CWH43: variants seen among roughly 807,000 people sequenced by gnomAD.
CWH43 encodes the protein cell wall biogenesis 43 C-terminal homolog.
A neutral mutation model predicts 85.7 loss-of-function variants in CWH43; 91 were observed. The observed-to-expected ratio is 1.06, with a 90% CI of 0.90 to 1.26. The LOEUF (loss-of-function observed/expected upper bound fraction) is 1.26. Ranked by LOEUF, CWH43 falls within the 50% of genes most tolerant of loss-of-function variation. The probability of loss-of-function intolerance (pLI) is 0.00; values close to 1 mark genes in which losing one functional copy is unlikely to be tolerated. For missense variants in CWH43, 869 were observed against 839.2 expected (o/e 1.04, Z -0.44); for synonymous variants, 323 against 293.6 (o/e 1.10, Z -1.02).
intron 9 of CWH43, among the ~76,000 whole-genome samples, chr4:49,024,989 A>T (rs1324417030): frequency 6.6e-6 from 1 of 151,976 alleles, no homozygotes; most frequent in Admixed American, 6.5e-5. Context: ...AATACTAATT[A>T]TTCATAGGTT....
Position 48,994,615 on chromosome 4 carries a change from C to G in CWH43, c.512-4C>G. The stretch of plus-strand genomic sequence containing the variant: ...TTTTCCATATATGTATTTTTAAATT[C>G]TAGATGGTGACTGCAGTAAACCTGA... On this transcript the variant is annotated splice_region_variant and splice_polypyrimidine_tract_variant and intron_variant, in intron 4 of 15. Transcript: ENST00000226432. The G allele has an allele frequency of 3.7e-6, 6 of 1,608,220 alleles. No homozygotes were observed. In the South Asian group the frequency reaches 6.7e-5, roughly 18 times the overall value.
At position 49,028,688 on chromosome 4, in the gene CWH43, AG is replaced by A; in HGVS notation, c.1329del (p.Trp444GlyfsTer4). 6.2e-7 allele frequency: 1 copy of A among 1,613,926 alleles called. No homozygotes were observed. The highest frequency in any genetic ancestry group is 8.5e-7 in the Non-Finnish European group (1 of 1,179,826). ...CTTTCAGGTTTGGATATGACAATGA[AG>A]GGTGGTCTAGTCTAGAAAGATCAGC... ...WPFRFGYDNE[G>X]WSSLERSAHL... On this transcript the variant is annotated frameshift_variant, in exon 10 of 16. Transcript: ENST00000226432. LOFTEE classifies it high-confidence loss of function.
intron 1 of CWH43, among the ~76,000 whole-genome samples, chr4:48,987,019 C>T (rs1782517386): frequency 6.6e-6 from 1 of 152,190 alleles, no homozygotes; most frequent in African/African-American, 2.4e-5. Context: ...GCTCTCTCAC[C>T]AGCTTTGCAA....
chr4:49,019,795 G>T (rs1466284666), intron 9 of CWH43, among the ~76,000 whole-genome samples: 3 of 152,018 alleles, frequency 2.0e-5, no homozygotes, highest in Non-Finnish European at 4.4e-5. Flanking sequence ...GGGCAGGCTG[G>T]TCTCAAACTC....
intron 6 of CWH43, 107 bp from the exon 7 acceptor site, chr4:49,003,628 T>C: frequency 9.5e-7 from 1 of 1,047,400 alleles, no homozygotes; most frequent in South Asian, 1.5e-5. Context: ...TGTCTGGAGA[T>C]TGGATCAGTA....
intron 9 of CWH43, among the ~76,000 whole-genome samples, chr4:49,019,053 C>CTCAT (rs1238822339): frequency 6.6e-6 from 1 of 152,170 alleles, no homozygotes; most frequent in Non-Finnish European, 1.5e-5. Flanking sequence ...TGGTCATTTG[C>CTCAT]TCATTCATTC....
Position 49,003,997 on chromosome 4 carries a change from G to A in CWH43, c.1060+5G>A, listed in dbSNP as rs1188061025. The stretch of plus-strand genomic sequence containing the variant: ...AAAGATCAGATGTGCTTTTGGGTGA[G>A]TACATTTGAAAGGTCTGGATTAAAA... On this transcript the variant is annotated splice_donor_5th_base_variant and intron_variant, in intron 7 of 15. Coordinates refer to ENST00000226432, the MANE Select transcript of CWH43 (RefSeq NM_025087.3). 6.2e-7 allele frequency: 1 copy of A among 1,605,028 alleles called. No individual in the cohort carries two copies. Among genetic ancestry groups the A allele is most frequent in the Non-Finnish European group, 8.5e-7 (1 of 1,177,404 alleles).
intron 15 of CWH43, among the ~76,000 whole-genome samples, chr4:49,051,548 C>T (rs1784798237): frequency 6.6e-6 from 1 of 152,196 alleles, no homozygotes; most frequent in African/African-American, 2.4e-5. Flanking sequence ...AATTCATTTA[C>T]ATCACATGTG....
At chr4:49,034,768 G>C (rs1235751485) in intron 12 of CWH43, among the ~76,000 whole-genome samples, 1 of 152,056 alleles carries the variant, frequency 6.6e-6, no homozygotes, top group African/African-American at 2.4e-5. Flanking sequence ...TAACTACCTT[G>C]AGCTTTAGTT....
At chr4:49,027,774 G>T (rs533987688) in intron 9 of CWH43, among the ~76,000 whole-genome samples, 3 of 152,110 alleles carry the variant, frequency 2.0e-5, no homozygotes, top group African/African-American at 7.2e-5. Flanking sequence ...CAAATAGTAG[G>T]TCTTATTCTT....
chr4:49,012,075 C>T (rs547643012), intron 8 of CWH43, among the ~76,000 whole-genome samples: 56 of 152,316 alleles, frequency 3.7e-4, no homozygotes, highest in African/African-American at 1.3e-3. Flanking sequence ...TGTTTTCCAA[C>T]TTGGTTCCAT....
At chr4:49,046,477 A>T (rs1169543200) in intron 14 of CWH43, among the ~76,000 whole-genome samples, 4 of 152,182 alleles carry the variant, frequency 2.6e-5, no homozygotes, top group East Asian at 3.8e-4. Flanking sequence ...AAATAAGCAG[A>T]TAAGAAATGA....
chr4:49,039,895 G>A (rs994688582), intron 13 of CWH43, among the ~76,000 whole-genome samples: 9 of 149,062 alleles, frequency 6.0e-5, no homozygotes, highest in African/African-American at 1.2e-4. Flanking sequence ...TCCCTCCCCC[G>A]TCCCCACACC....
At chr4:48,990,134 CT>C (rs1782613428) in intron 2 of CWH43, among the ~76,000 whole-genome samples, 1 of 152,128 alleles carries the variant, frequency 6.6e-6, no homozygotes, top group Admixed American at 6.5e-5. Context: ...GGCCCAGTAA[CT>C]TCTGGTGATG....
At chr4:49,042,430 G>T (rs532635449) in intron 13 of CWH43, among the ~76,000 whole-genome samples, 11 of 152,302 alleles carry the variant, frequency 7.2e-5, no homozygotes, top group African/African-American at 2.6e-4. Context: ...ACAAAAGAAA[G>T]AAATGTTTTA....
At chr4:49,003,560 C>T in intron 6 of CWH43, 175 bp from the exon 7 acceptor site, 1 of 618,564 alleles carries the variant, frequency 1.6e-6, no homozygotes, top group South Asian at 2.3e-5. Flanking sequence ...GAGACAATAA[C>T]TGGCTGTGTG....
At chr4:49,042,266 G>T (rs1268677463) in intron 13 of CWH43, among the ~76,000 whole-genome samples, 1 of 152,150 alleles carries the variant, frequency 6.6e-6, no homozygotes, top group African/African-American at 2.4e-5. Context: ...CCTCCTCTCT[G>T]CCTTGCAGCT....
At chr4:49,055,591 A>ATT (rs34048083) in intron 15 of CWH43, among the ~76,000 whole-genome samples, 153 of 142,082 alleles carry the variant, frequency 1.1e-3, no homozygotes, top group Admixed American at 6.9e-3. Flanking sequence ...TTTTTCTTTC[A>ATT]TTTTTTTTTT....
At chr4:49,028,820 T>A (rs1577687462) in intron 10 of CWH43, 86 bp downstream of exon 10, 1 of 841,112 alleles carries the variant, frequency 1.2e-6, no homozygotes, top group East Asian at 2.6e-5. Flanking sequence ...CATAACTTAA[T>A]GCAGGTATTA....
Sources: gnomAD v4.1 joint callset for allele counts (sites outside exome capture counted in the v4.1 genomes callset) on GRCh38, gnomAD v4.1.1 for gene constraint, MANE v1.5 for transcripts, NCBI Gene and HGNC (gene_info 2026-07-23, HGNC 2026-07-21) for gene names.